LRRTM4: variants seen among roughly 807,000 people sequenced by gnomAD.
The protein encoded by LRRTM4 is leucine rich repeat transmembrane neuronal 4, also known as leucine-rich repeat transmembrane neuronal protein 4.
Under a neutral mutation model 47.6 loss-of-function variants are expected in LRRTM4, and 25 were observed. The observed-to-expected ratio is 0.53, with a 90% CI of 0.38 to 0.73. The LOEUF (loss-of-function observed/expected upper bound fraction) is 0.73. Among genes scored for constraint, LRRTM4 ranks in the 30% least tolerant of loss-of-function variants. The pLI is 0.00. For synonymous variants in LRRTM4, 311 were observed against 269.5 expected (o/e 1.15, Z -1.51); for missense variants, 638 against 713.4 (o/e 0.89, Z 1.20).
At chr2:77,062,451 T>C (rs1384257919) in intron 3 of LRRTM4, among the ~76,000 whole-genome samples, 7 of 152,140 alleles carry the variant, frequency 4.6e-5, no homozygotes, top group Admixed American at 4.6e-4. Context: ...TTTAAGGCAA[T>C]CAATTTAAAG....
chr2:77,449,281 T>C (rs1267653831), intron 3 of LRRTM4, among the ~76,000 whole-genome samples: 1 of 152,186 alleles, frequency 6.6e-6, no homozygotes, highest in African/African-American at 2.4e-5. Flanking sequence ...TGGCATAAGC[T>C]TTAGAATGAG....
At chr2:76,865,006 T>G (rs185616825) in intron 3 of LRRTM4, among the ~76,000 whole-genome samples, 6 of 151,804 alleles carry the variant, frequency 4.0e-5, no homozygotes, top group Admixed American at 2.0e-4. Context: ...AAATCTTGAT[T>G]CTTACTTAAT....
intron 3 of LRRTM4, among the ~76,000 whole-genome samples, chr2:77,309,196 A>G (rs987399800): frequency 3.3e-5 from 5 of 152,152 alleles, no homozygotes; most frequent in African/African-American, 1.2e-4. Context: ...CAAATAATGC[A>G]CTTTCAAATA....
At chr2:76,791,570 C>G (rs1674974651) in intron 3 of LRRTM4, among the ~76,000 whole-genome samples, 1 of 152,148 alleles carries the variant, frequency 6.6e-6, no homozygotes, top group Non-Finnish European at 1.5e-5. Flanking sequence ...AGCAATAAAT[C>G]TCATCCTACT....
At chr2:76,914,440 C>A (rs1404337891) in intron 3 of LRRTM4, among the ~76,000 whole-genome samples, 1 of 151,912 alleles carries the variant, frequency 6.6e-6, no homozygotes, top group Non-Finnish European at 1.5e-5. Context: ...ACTTCCTGAT[C>A]TGGATTATAT....
chr2:76,957,929 T>C (rs1675729213), intron 3 of LRRTM4, among the ~76,000 whole-genome samples: 3 of 151,404 alleles, frequency 2.0e-5, no homozygotes, highest in Admixed American at 6.6e-5. Flanking sequence ...TGTGTATATA[T>C]ATGTGTGTGT....
intron 3 of LRRTM4, among the ~76,000 whole-genome samples, chr2:77,453,175 G>GTT: frequency 8.0e-6 from 1 of 125,454 alleles, no homozygotes; most frequent in Non-Finnish European, 1.7e-5. Context: ...GTTTCTTCTT[G>GTT]ATTTTTTTTT....
intron 3 of LRRTM4, among the ~76,000 whole-genome samples, chr2:77,286,745 C>A (rs537812473): frequency 2.6e-5 from 4 of 151,834 alleles, no homozygotes; most frequent in Non-Finnish European, 4.4e-5. Context: ...TAGTCATTAA[C>A]AATACAAAAT....
intron 3 of LRRTM4, among the ~76,000 whole-genome samples, chr2:77,022,042 C>A (rs112633045): frequency 6.6e-6 from 1 of 151,974 alleles, no homozygotes; most frequent in African/African-American, 2.4e-5. Flanking sequence ...AAGACATACC[C>A]GAGACTGGGA....
intron 3 of LRRTM4, among the ~76,000 whole-genome samples, chr2:77,086,021 G>T (rs1199441499): frequency 6.6e-6 from 1 of 152,138 alleles, no homozygotes; most frequent in African/African-American, 2.4e-5. Flanking sequence ...AAGTACGTGA[G>T]TTAAATTCAA....
rs79737607 is a variant in LRRTM4, at chr2:76,817,801, C to T, written c.1552-68885G>A. On this transcript the variant is annotated intron_variant, in intron 3 of 3. Coordinates refer to ENST00000409884, the MANE Select transcript of LRRTM4 (RefSeq NM_001134745.3). ...ATTTTTAACGATCCTATCAAATTTG[C>T]GTTAACGAATCTGGGCTGCAGAGTA... Among the ~76,000 whole-genome samples the T allele has an allele frequency of 5.5e-4, 83 of 152,024 alleles. No homozygotes were observed. The East Asian group carries it at 8.1e-3, about 15-fold the overall frequency.
chr2:77,082,635 A>G lies in LRRTM4; in HGVS notation c.1552-333719T>C, dbSNP rs1235606698. On this transcript the variant is annotated intron_variant, in intron 3 of 3. Coordinates refer to ENST00000409884, the MANE Select transcript of LRRTM4 (RefSeq NM_001134745.3). ...TAAAGATAAGCCAGTGCGTCAACAC[A>G]TATACATGAATATATTTGAATTTAT... 3.9e-5 allele frequency among the ~76,000 whole-genome samples: 6 copies of G among 151,994 alleles called. No individual in the cohort carries two copies. In the East Asian group the frequency reaches 1.2e-3, roughly 30 times the overall value.
At chr2:76,865,311 T>C in intron 3 of LRRTM4, among the ~76,000 whole-genome samples, 1 of 152,298 alleles carries the variant, frequency 6.6e-6, no homozygotes, top group Admixed American at 6.5e-5. Context: ...AGGATTCCCT[T>C]TTCAGAAGTC....
chr2:76,977,379 T>A (rs991220883), intron 3 of LRRTM4, among the ~76,000 whole-genome samples: 3 of 151,858 alleles, frequency 2.0e-5, no homozygotes, highest in Non-Finnish European at 2.9e-5. Context: ...CTTACCAACC[T>A]GTTGGAAATC....
chr2:76,968,344 A>G (rs1176119606), intron 3 of LRRTM4, among the ~76,000 whole-genome samples: 267 of 53,672 alleles, frequency 5.0e-3, no homozygotes, highest in African/African-American at 0.013. Context: ...ATGTGTGTAT[A>G]TATATATATA....
intron 3 of LRRTM4, among the ~76,000 whole-genome samples, chr2:76,825,631 G>A (rs561932084): frequency 5.9e-5 from 9 of 151,730 alleles, no homozygotes; most frequent in South Asian, 2.1e-4. Context: ...AAATAGAGAT[G>A]TCAAGTAGAC....
chr2:76,982,543 C>T lies in LRRTM4; in HGVS notation c.1552-233627G>A, dbSNP rs183638320. 1.2e-3 allele frequency among the ~76,000 whole-genome samples: 188 copies of T among 152,042 alleles called. 2 individuals carry two copies. The South Asian group carries it at 0.02, about 16-fold the overall frequency. ...ATGCCTCCCTATCAGTGAGACAGGG[C>T]GGACACTGGGTGAAGGAGCTTGTAT... On this transcript the variant is annotated intron_variant, in intron 3 of 3. Transcript: ENST00000409884.
chr2:77,002,261 T>C (rs1349738664), intron 3 of LRRTM4, among the ~76,000 whole-genome samples: 2 of 152,144 alleles, frequency 1.3e-5, no homozygotes, highest in East Asian at 1.9e-4. Context: ...AATTGGGGAC[T>C]GCAAAGTAAT....
chr2:77,238,168 T>C (rs1675158916), intron 3 of LRRTM4, among the ~76,000 whole-genome samples: 1 of 152,154 alleles, frequency 6.6e-6, no homozygotes, highest in Non-Finnish European at 1.5e-5. Context: ...GTAAAGCTAT[T>C]ATATCAGATG....
Sources: allele counts gnomAD v4.1 joint callset (sites outside exome capture counted in the v4.1 genomes callset), GRCh38; gene constraint gnomAD v4.1.1; transcripts MANE v1.5; gene names NCBI Gene and HGNC (gene_info 2026-07-23, HGNC 2026-07-21).